CELF6: variants seen among roughly 807,000 people sequenced by gnomAD.
CELF6 encodes the protein CUGBP Elav-like family member 6.
Under a neutral mutation model 53.1 loss-of-function variants are expected in CELF6, and 32 were observed. The observed-to-expected ratio is 0.60, with a 90% confidence interval of 0.46 to 0.81. The LOEUF is 0.81. Ranked by LOEUF, CELF6 falls within the 30% of genes least tolerant of loss-of-function variation. The pLI is 0.00. For missense variants in CELF6, 539 were observed against 669.5 expected (o/e 0.81, Z 2.15); for synonymous variants, 291 against 288.8 (o/e 1.01, Z -0.08).
At chr15:72,318,573 G>T (rs1053799810) in intron 1 of CELF6, among the ~76,000 whole-genome samples, 8 of 152,146 alleles carry the variant, frequency 5.3e-5, no homozygotes, top group Non-Finnish European at 8.8e-5. Context: ...TCTTACTCCA[G>T]CCCTGCCTGG....
At chr15:72,306,754 C>T (rs544573335) in intron 2 of CELF6, among the ~76,000 whole-genome samples, 77 of 151,584 alleles carry the variant, frequency 5.1e-4, no homozygotes, top group Middle Eastern at 3.4e-3. Context: ...CAGATCAGGG[C>T]GAGCTTGACA....
At chr15:72,293,341 A>C (rs1471705934) in intron 3 of CELF6, among the ~76,000 whole-genome samples, 2 of 152,146 alleles carry the variant, frequency 1.3e-5, no homozygotes, top group African/African-American at 4.8e-5. Context: ...CCGCAAACCC[A>C]CAGATCTGAA....
chr15:72,301,849 G>A (rs767219119), intron 3 of CELF6, among the ~76,000 whole-genome samples: 24 of 148,096 alleles, frequency 1.6e-4, no homozygotes, highest in Middle Eastern at 3.6e-3. Flanking sequence ...CCGTTCTCCC[G>A]TCTCAGCCTC....
chr15:72,316,548 G>C (rs1005407061), intron 1 of CELF6, among the ~76,000 whole-genome samples: 1 of 152,112 alleles, frequency 6.6e-6, no homozygotes, highest in African/African-American at 2.4e-5. Context: ...CAAGGATCTT[G>C]ATCTGTCAAC....
intron 3 of CELF6, among the ~76,000 whole-genome samples, chr15:72,304,012 A>C (rs926514565): frequency 2.6e-5 from 4 of 151,948 alleles, no homozygotes; most frequent in Non-Finnish European, 5.9e-5. Flanking sequence ...CTGGGATTAC[A>C]GGCATCCACT....
intron 3 of CELF6, among the ~76,000 whole-genome samples, chr15:72,300,515 G>A (rs1167925486): frequency 2.6e-5 from 4 of 152,112 alleles, no homozygotes; most frequent in Non-Finnish European, 5.9e-5. Context: ...AAAGTCAAGT[G>A]ACAGAAGACA....
chr15:72,287,205 C>G lies in CELF6; in HGVS notation c.*28+32G>C, dbSNP rs899527099. Reference sequence around the variant, plus strand: ...AGCTGGGAGGGCCTCATCACTCAGGCCTCATCTACCTGGGGTCCATCAGGG... The same window carrying G: ...AGCTGGGAGGGCCTCATCACTCAGGGCTCATCTACCTGGGGTCCATCAGGG... On this transcript the variant is annotated intron_variant, in intron 12 of 12. Coordinates refer to ENST00000287202, the MANE Select transcript of CELF6 (RefSeq NM_052840.5). 5.7e-6 allele frequency: 9 copies of G among 1,586,972 alleles called. No individual in the cohort carries two copies. The African/African-American group carries it at 1.1e-4, about 19-fold the overall frequency.
chr15:72,306,262 G>C, intron 2 of CELF6: 1 of 985,204 alleles, frequency 1.0e-6, no homozygotes, highest in Non-Finnish European at 1.2e-6. Flanking sequence ...AGGCAGCTGA[G>C]TGCCAGGAGG....
chr15:72,298,935 C>T (rs1018849219), intron 3 of CELF6, among the ~76,000 whole-genome samples: 6 of 152,144 alleles, frequency 3.9e-5, no homozygotes, highest in African/African-American at 1.2e-4. Flanking sequence ...AGGCCAGGCA[C>T]AGTGGATCAT....
chr15:72,319,103 T>C lies in CELF6; in HGVS notation c.262+510A>G, dbSNP rs911968769. Among the ~76,000 whole-genome samples the C allele has an allele frequency of 3.3e-5, 5 of 151,916 alleles. No homozygotes were observed. Among genetic ancestry groups the C allele is most frequent in the Non-Finnish European group, 7.4e-5 (5 of 67,964 alleles). On this transcript the variant is annotated intron_variant, in intron 1 of 12. Transcript: ENST00000287202. The surrounding 1 kb of genome is among the most constrained non-coding windows in gnomAD (Gnocchi z 5.0). ...GGTCTGCGGTGTTTTAGGTTGGCAG[T>C]CTGAGAGTCAAAAGAAGGCTCTTGA...
Position 72,315,867 on chromosome 15 carries a change from T to C in CELF6, c.323A>G (p.His108Arg), listed in dbSNP as rs1185621685. The stretch of plus-strand genomic sequence containing the variant: ...TACCCCTGGCAGGGTCTTCTGCTCG[T>C]GCAGTGCACTCTGGGCCTTGAGAGC... ...DSALKAQSAL[H>R]EQKTLPGMNR... The change falls in exon 2 of 13, where the codon CAC becomes CGC. Residue 108 changes from histidine (H) to arginine (R), a missense_variant. Physicochemically the swap from His to Arg is conservative, Grantham distance 29. Coordinates refer to ENST00000287202, the MANE Select transcript of CELF6 (RefSeq NM_052840.5). 2 of 1,605,540 alleles carry C rather than the reference T, an allele frequency of 1.2e-6. No individual in the cohort carries two copies. The highest frequency in any genetic ancestry group is 1.3e-5 in the African/African-American group (1 of 74,766).
intron 2 of CELF6, among the ~76,000 whole-genome samples, chr15:72,305,810 C>T (rs2088220106): frequency 6.6e-6 from 1 of 152,014 alleles, no homozygotes; most frequent in African/African-American, 2.4e-5. Context: ...ACTAGAAAGT[C>T]CCACGGGCGC....
At chr15:72,292,411 C>A in intron 3 of CELF6, 1 of 608,122 alleles carries the variant, frequency 1.6e-6, no homozygotes, top group South Asian at 2.2e-5. Flanking sequence ...TGCAGAAGGC[C>A]TGGGAGAGGC....
intron 2 of CELF6, among the ~76,000 whole-genome samples, chr15:72,306,552 A>C (rs1228342908): frequency 7.8e-6 from 1 of 128,098 alleles, no homozygotes; most frequent in Non-Finnish European, 1.6e-5. Flanking sequence ...GGGAGGGCTT[A>C]CTAAAAAAAA....
At chr15:72,297,060 A>C (rs2088089570) in intron 3 of CELF6, among the ~76,000 whole-genome samples, 1 of 152,228 alleles carries the variant, frequency 6.6e-6, no homozygotes, top group Admixed American at 6.5e-5. Context: ...TGATGCTTTG[A>C]TATATGTAGA....
At position 72,285,060 on chromosome 15, in the gene CELF6, A is replaced by G. The variant is rs2087905144; in HGVS notation, c.*1311T>C. The G allele has an allele frequency of 6.5e-6, 1 of 152,790 alleles. No homozygotes were observed. The highest frequency in any genetic ancestry group is 2.4e-5 in the African/African-American group (1 of 41,472). 9.5% of individuals were successfully genotyped at this position (152,790 alleles called of 1,614,324 possible). On this transcript the variant is annotated 3_prime_UTR_variant, in exon 13 of 13. Transcript: ENST00000287202. ...AAGCACCACCATTGATCAGCTTTAT[A>G]TGGCACCCACTGTATACAACAGACA...
intron 2 of CELF6, among the ~76,000 whole-genome samples, chr15:72,309,268 C>A (rs997922220): frequency 6.6e-6 from 1 of 151,936 alleles, no homozygotes; most frequent in Non-Finnish European, 1.5e-5. Flanking sequence ...ATGAAGGATC[C>A]CATAAGCTGT....
At chr15:72,317,758 C>G (rs539590399) in intron 1 of CELF6, among the ~76,000 whole-genome samples, 7 of 152,296 alleles carry the variant, frequency 4.6e-5, no homozygotes, top group African/African-American at 1.7e-4. Context: ...TACATCCCTG[C>G]TCTGTGTTTT....
intron 2 of CELF6, among the ~76,000 whole-genome samples, chr15:72,310,602 C>G (rs2088282777): frequency 1.3e-5 from 2 of 150,886 alleles, no homozygotes; most frequent in African/African-American, 4.9e-5. Flanking sequence ...AACCCTCCCA[C>G]CTCAGCCTCC....
Sources: allele counts gnomAD v4.1 joint callset (sites outside exome capture counted in the v4.1 genomes callset), GRCh38; gene constraint gnomAD v4.1.1; non-coding constraint Gnocchi (gnomAD v3.1); transcripts MANE v1.5; gene names NCBI Gene and HGNC (gene_info 2026-07-23, HGNC 2026-07-21).